PTPRO: variants seen among roughly 807,000 people sequenced by gnomAD.
PTPRO encodes protein tyrosine phosphatase receptor type O, also known as receptor-type tyrosine-protein phosphatase O.
PTPRO carries 62 observed loss-of-function variants against 145.2 expected under a neutral mutation model. The ratio of observed to expected loss-of-function variants is 0.43; its 90% CI spans 0.35 to 0.53. The LOEUF is 0.53. PTPRO is among the 20% of genes least tolerant of loss of function. The pLI is 0.01. For synonymous variants in PTPRO, 565 were observed against 514.7 expected (o/e 1.10, Z -1.32); for missense variants, 1,345 against 1,482.7 (o/e 0.91, Z 1.53).
In PTPRO at chr12:15,516,821, G is replaced by A. The variant is rs143432185; in HGVS notation, c.1644G>A (p.Leu548=). The A allele has an allele frequency of 7.4e-6, 12 of 1,612,460 alleles. No homozygotes were observed. Among genetic ancestry groups the A allele is most frequent in the Non-Finnish European group, 1.0e-5 (12 of 1,178,578 alleles). ...CTTTGGGTCCTACGGCCGTGGTTCT[G>A]AGCTGGACCAGACCTTATTTAGGCG... is the stretch of plus-strand genomic sequence containing the variant. The part of the protein sequence containing the change: ...LYPLGPTAVV[L]SWTRPYLGVF... Residue 548 remains leucine, a synonymous_variant, in exon 9 of 27, where the codon CTG becomes CTA. Coordinates refer to ENST00000281171, the MANE Select transcript of PTPRO (RefSeq NM_030667.3).
intron 23 of PTPRO, among the ~76,000 whole-genome samples, chr12:15,582,685 C>T (rs895362484): frequency 2.0e-5 from 3 of 151,976 alleles, no homozygotes; most frequent in Non-Finnish European, 4.4e-5. Flanking sequence ...AATAATTAAA[C>T]CCTGATTTAG....
intron 7 of PTPRO, among the ~76,000 whole-genome samples, chr12:15,514,977 C>A (rs529293488): frequency 5.1e-4 from 77 of 151,958 alleles, no homozygotes; most frequent in African/African-American, 1.9e-3. Context: ...GTTCGTCAGG[C>A]TGGTCTTGAA....
chr12:15,586,760 C>G (rs1944437640), intron 23 of PTPRO, 137 bp from the exon 24 acceptor site: 8 of 912,886 alleles, frequency 8.8e-6, no homozygotes, highest in Non-Finnish European at 1.7e-6. Flanking sequence ...ATATGGTGCT[C>G]AAAGCTGGAA....
At position 15,516,094 on chromosome 12, in the gene PTPRO, A is replaced by C. The variant is rs193265493; in HGVS notation, c.1585+476A>C. 2.9e-4 allele frequency among the ~76,000 whole-genome samples: 43 copies of C among 147,952 alleles called. No individual in the cohort carries two copies. The East Asian group carries it at 8.5e-3, about 29-fold the overall frequency. On this transcript the variant is annotated intron_variant, in intron 8 of 26. Transcript: ENST00000281171. ...CAACTTCTGCCTCCCAGGTTCAAGC[A>C]ATTCTCCTGCCTCAGCCTCCTGAGC...
chr12:15,365,029 C>G (rs1938319598), intron 1 of PTPRO, among the ~76,000 whole-genome samples: 1 of 152,280 alleles, frequency 6.6e-6, no homozygotes, highest in Middle Eastern at 3.4e-3. Flanking sequence ...GATTTTGACT[C>G]ATTTTTCTTT....
chr12:15,509,627 G>T (rs1303645492), intron 7 of PTPRO, among the ~76,000 whole-genome samples: 6 of 107,738 alleles, frequency 5.6e-5, no homozygotes, highest in Non-Finnish European at 1.1e-4. Context: ...AACCCGGGAG[G>T]TGGGGGTTGC....
chr12:15,324,818 C>A (rs1044904787), intron 1 of PTPRO, among the ~76,000 whole-genome samples: 117 of 151,304 alleles, frequency 7.7e-4, no homozygotes, highest in African/African-American at 2.6e-3. Context: ...AAGAGTTGTT[C>A]AAAAAAAATG....
chr12:15,543,694 A>C (rs1319607717), intron 12 of PTPRO, among the ~76,000 whole-genome samples: 3 of 152,246 alleles, frequency 2.0e-5, no homozygotes, highest in African/African-American at 7.2e-5. Context: ...ATCTACTAGA[A>C]TCAGGCCTTC....
intron 6 of PTPRO, among the ~76,000 whole-genome samples, chr12:15,504,436 C>A (rs557051694): frequency 3.8e-4 from 58 of 152,194 alleles, no homozygotes; most frequent in African/African-American, 1.3e-3. Context: ...TGTGAAAAAT[C>A]TCATTAGAGT....
intron 1 of PTPRO, among the ~76,000 whole-genome samples, chr12:15,353,413 A>C (rs1937876432): frequency 7.1e-6 from 1 of 140,762 alleles, no homozygotes; most frequent in African/African-American, 2.6e-5. Context: ...ATGTTGATGC[A>C]GTTTTTTTTT....
At chr12:15,530,879 A>G (rs1271266946) in intron 12 of PTPRO, among the ~76,000 whole-genome samples, 5 of 152,126 alleles carry the variant, frequency 3.3e-5, no homozygotes, top group Admixed American at 2.6e-4. Flanking sequence ...TAAAGGTCAG[A>G]GCAGAAATAA....
At chr12:15,555,789 T>C (rs1328732010) in intron 15 of PTPRO, among the ~76,000 whole-genome samples, 2 of 152,216 alleles carry the variant, frequency 1.3e-5, no homozygotes, top group Non-Finnish European at 2.9e-5. Context: ...AATGCTTCCA[T>C]TTTCTGTGCC....
In PTPRO at chr12:15,385,243, G is replaced by A. The variant is rs1486667722; in HGVS notation, c.75+62442G>A. ...GTTAAATGTAACCTTTAAAATGAAT[G>A]AATGAGCTGAAGACAATAAGGGAAG... On this transcript the variant is annotated intron_variant, in intron 1 of 26. Coordinates refer to ENST00000281171, the MANE Select transcript of PTPRO (RefSeq NM_030667.3). Among the ~76,000 whole-genome samples the A allele has an allele frequency of 8.5e-5, 13 of 152,220 alleles. No individual in the cohort carries two copies. The South Asian group carries it at 2.7e-3, about 32-fold the overall frequency.
chr12:15,405,367 T>G (rs565889097), intron 1 of PTPRO, among the ~76,000 whole-genome samples: 121 of 145,748 alleles, frequency 8.3e-4, no homozygotes, highest in Non-Finnish European at 1.6e-3. Flanking sequence ...GCCAGCCAAC[T>G]GAAACTTTTA....
intron 6 of PTPRO, among the ~76,000 whole-genome samples, chr12:15,505,062 T>C (rs1290531797): frequency 1.3e-5 from 2 of 152,190 alleles, no homozygotes; most frequent in East Asian, 3.9e-4. Context: ...TGTGATTACT[T>C]AAGAAAGAGG....
intron 1 of PTPRO, among the ~76,000 whole-genome samples, chr12:15,431,516 C>G (rs1940438271): frequency 6.6e-6 from 1 of 152,168 alleles, no homozygotes; most frequent in South Asian, 2.1e-4. Flanking sequence ...AGTAGGTGTG[C>G]AACCAAATTG....
At chr12:15,513,206 AAAGAAAGAAAGAAAG>A (rs1942500388) in intron 7 of PTPRO, among the ~76,000 whole-genome samples, 1 of 106,346 alleles carries the variant, frequency 9.4e-6, no homozygotes, top group Non-Finnish European at 1.8e-5. Flanking sequence ...AGAAAGAAAG[AAAGAAAGAAAGAAAG>A]AAAGAAAAGA....
At chr12:15,426,820 A>G (rs563898498) in intron 1 of PTPRO, among the ~76,000 whole-genome samples, 1 of 152,190 alleles carries the variant, frequency 6.6e-6, no homozygotes, top group East Asian at 1.9e-4. Flanking sequence ...CAGATAAATA[A>G]CAAATAAAAA....
intron 1 of PTPRO, among the ~76,000 whole-genome samples, chr12:15,482,473 A>G (rs1048399737): frequency 6.6e-6 from 1 of 151,988 alleles, no homozygotes; most frequent in African/African-American, 2.4e-5. Context: ...CTATAGGGGG[A>G]CTATATTGAC....
Sources: allele counts gnomAD v4.1 joint callset (sites outside exome capture counted in the v4.1 genomes callset), GRCh38; gene constraint gnomAD v4.1.1; transcripts MANE v1.5; gene names NCBI Gene and HGNC (gene_info 2026-07-23, HGNC 2026-07-21).